The following DYNC1I1 variants were observed in gnomAD, a reference collection of about 807,000 sequenced individuals.
DYNC1I1 encodes the protein cytoplasmic dynein 1 intermediate chain 1.
In DYNC1I1, 43 loss-of-function variants were observed where a neutral mutation model predicts 86.6. The observed-to-expected ratio is 0.50, with a 90% CI of 0.39 to 0.64. DYNC1I1 has a LOEUF of 0.64. Among genes scored for constraint, DYNC1I1 ranks in the 30% least tolerant of loss-of-function variants. The pLI is 0.00. For synonymous variants in DYNC1I1, 262 were observed against 283.7 expected, an observed-to-expected ratio of 0.92 and a Z score of 0.77; for missense variants, 604 against 788.8, an observed-to-expected ratio of 0.77 and a Z score of 2.81.
At chr7:95,844,938 T>C (rs1789387039) in intron 5 of DYNC1I1, among the ~76,000 whole-genome samples, 1 of 152,214 alleles carries the variant, frequency 6.6e-6, no homozygotes, top group Non-Finnish European at 1.5e-5. Context: ...TTCATTAGTT[T>C]ATAACAGTAG....
intron 16 of DYNC1I1, among the ~76,000 whole-genome samples, chr7:96,085,490 A>G (rs1355298613): frequency 2.0e-5 from 3 of 152,176 alleles, no homozygotes; most frequent in Non-Finnish European, 4.4e-5. Context: ...CTGTGTTTAT[A>G]TAGCACACAT....
rs557193632 is a variant in DYNC1I1 at position 95,897,075 on chromosome 7, G to T, written c.490+27077G>T. Among the ~76,000 whole-genome samples the T allele has an allele frequency of 8.5e-5, 13 of 152,296 alleles. No homozygotes were observed. The East Asian group carries it at 2.5e-3, about 29-fold the overall frequency. ...TTATCAGCTAAGAAAGGAGGGATAT[G>T]CCAGGGCCTATGGAATTTTAGGAAA... On this transcript the variant is annotated intron_variant, in intron 6 of 16. Transcript: ENST00000447467.
intron 14 of DYNC1I1, among the ~76,000 whole-genome samples, chr7:96,054,030 T>C (rs1025582338): frequency 2.0e-5 from 3 of 152,228 alleles, no homozygotes; most frequent in African/African-American, 7.2e-5. Context: ...TGCAGGTTTG[T>C]TACATAGGTG....
intron 4 of DYNC1I1, among the ~76,000 whole-genome samples, chr7:95,827,672 T>TAGA (rs1230815536): frequency 6.6e-6 from 1 of 152,126 alleles, no homozygotes; most frequent in Non-Finnish European, 1.5e-5. Flanking sequence ...TTTCACCACA[T>TAGA]AGAAGATGCT....
intron 16 of DYNC1I1, among the ~76,000 whole-genome samples, chr7:96,081,816 T>A (rs2214162): frequency 0.41 from 61,814 of 152,016 alleles, 13,504 homozygotes; most frequent in African/African-American, 0.57. Flanking sequence ...TTGATTATGT[T>A]GGAACAAGCT....
rs1210130500 is a variant in DYNC1I1, at chr7:96,098,221, T to C, written c.*628T>C. 1 of 985,802 alleles carries C rather than the reference T, an allele frequency of 1.0e-6. No individual in the cohort carries two copies. Among genetic ancestry groups the C allele is most frequent in the Non-Finnish European group, 1.2e-6 (1 of 829,960 alleles). The allele number at this position is 985,802 out of a possible 1,614,324, so 61.1% of individuals were successfully genotyped here. A position where few individuals can be genotyped will look rare whatever the true frequency, so the allele number is the denominator to read the frequency against. On this transcript the variant is annotated 3_prime_UTR_variant, in exon 17 of 17. Coordinates refer to ENST00000447467, the MANE Select transcript of DYNC1I1 (RefSeq NM_001135556.2). ...TAAGTTCCACATAGCAATTACAGTATGCCAGTTCCACTGAAGACATGAAAT... is the reference window on the plus strand; with the variant it reads ...TAAGTTCCACATAGCAATTACAGTACGCCAGTTCCACTGAAGACATGAAAT...
chr7:95,922,216 T>C (rs1791628884), intron 6 of DYNC1I1, among the ~76,000 whole-genome samples: 1 of 152,028 alleles, frequency 6.6e-6, no homozygotes, highest in Admixed American at 6.6e-5. Flanking sequence ...TTAATATTAG[T>C]GTGTGTAAAG....
At chr7:96,086,757 T>G (rs771363779) in intron 16 of DYNC1I1, among the ~76,000 whole-genome samples, 46 of 152,182 alleles carry the variant, frequency 3.0e-4, no homozygotes, top group Non-Finnish European at 5.9e-4. Context: ...GCCAAAAAAG[T>G]AAAACATGAT....
chr7:96,010,744 A>G (rs1157461541), intron 10 of DYNC1I1, among the ~76,000 whole-genome samples: 1 of 152,200 alleles, frequency 6.6e-6, no homozygotes, highest in Non-Finnish European at 1.5e-5. Context: ...CTTTGCATAC[A>G]TATTTTTGTT....
At chr7:95,912,675 C>T (rs1791368743) in intron 6 of DYNC1I1, among the ~76,000 whole-genome samples, 2 of 152,220 alleles carry the variant, frequency 1.3e-5, no homozygotes, top group African/African-American at 4.8e-5. Context: ...CTTTGACCAA[C>T]ATGCCAGGCA....
In DYNC1I1 at chr7:95,848,219, T is replaced by G. The variant is rs913850451; in HGVS notation, c.374+20103T>G. Among the ~76,000 whole-genome samples the G allele has an allele frequency of 5.8e-3, 886 of 151,988 alleles. 5 individuals are homozygous for G. Among genetic ancestry groups the G allele is most frequent in the African/African-American group, 0.02 (824 of 41,490 alleles). On this transcript the variant is annotated intron_variant, in intron 5 of 16. Transcript: ENST00000447467. Reference sequence around the variant, plus strand: ...TTTGACTTACAGTTGTTTTTTTTTTTTTTTTTAACTTTACAATGGGTTTAT... The same window carrying G: ...TTTGACTTACAGTTGTTTTTTTTTTGTTTTTTAACTTTACAATGGGTTTAT...
At chr7:95,852,830 T>C in intron 5 of DYNC1I1, among the ~76,000 whole-genome samples, 1 of 152,286 alleles carries the variant, frequency 6.6e-6, no homozygotes, top group East Asian at 1.9e-4. Flanking sequence ...TATTTCCTTC[T>C]ATTAACTTTG....
intron 6 of DYNC1I1, among the ~76,000 whole-genome samples, chr7:95,922,865 T>A (rs10254625): frequency 0.038 from 5,839 of 152,128 alleles, 136 homozygotes; most frequent in South Asian, 0.13. Context: ...TTTCTAAAAA[T>A]GGAAATTGAG....
intron 10 of DYNC1I1, among the ~76,000 whole-genome samples, chr7:96,014,138 A>G (rs1180224939): frequency 6.6e-6 from 1 of 152,196 alleles, no homozygotes; most frequent in African/African-American, 2.4e-5. Context: ...CATCTATAGA[A>G]CAGAGTCATG....
At chr7:95,785,729 G>A (rs1180391824) in intron 1 of DYNC1I1, among the ~76,000 whole-genome samples, 1 of 145,190 alleles carries the variant, frequency 6.9e-6, no homozygotes, top group Admixed American at 6.9e-5. Context: ...ATATATGTGT[G>A]TGTATGTATA....
intron 6 of DYNC1I1, among the ~76,000 whole-genome samples, chr7:95,917,146 G>A (rs1032250473): frequency 6.6e-6 from 1 of 152,086 alleles, no homozygotes; most frequent in African/African-American, 2.4e-5. Context: ...TTTCCAACCG[G>A]CCTTGCCAGT....
chr7:95,826,988 C>T (rs1211796314), intron 4 of DYNC1I1, among the ~76,000 whole-genome samples: 1 of 152,092 alleles, frequency 6.6e-6, no homozygotes, highest in Non-Finnish European at 1.5e-5. Flanking sequence ...TAAGGGTGCC[C>T]ATGGATCACC....
chr7:96,039,421 G>A lies in DYNC1I1; in HGVS notation c.1509G>A (p.Lys503=), dbSNP rs1363762279. The A allele has an allele frequency of 1.9e-6, 3 of 1,613,832 alleles. No homozygotes were observed. Residue 503 remains lysine (K), a splice_region_variant and synonymous_variant, in exon 14 of 17, where the codon AAG becomes AAA. Transcript: ENST00000447467. Reference sequence around the variant, plus strand: ...GGACTGTCAAACTGTGGACCACCAAGGTAAGAATATCTTGACTGAAATTCT... The same window carrying A: ...GGACTGTCAAACTGTGGACCACCAAAGTAAGAATATCTTGACTGAAATTCT... The part of the protein sequence containing the change: ...FDWTVKLWTT[K]HNKPLYSFED...
chr7:95,819,433 C>A (rs1003881605), intron 4 of DYNC1I1, among the ~76,000 whole-genome samples: 5 of 151,996 alleles, frequency 3.3e-5, no homozygotes, highest in African/African-American at 1.2e-4. Context: ...ATCCTTAGGA[C>A]CTTCACCTTT....
Sources: gnomAD v4.1 joint callset for allele counts (sites outside exome capture counted in the v4.1 genomes callset) on GRCh38, gnomAD v4.1.1 for gene constraint, MANE v1.5 for transcripts, NCBI Gene and HGNC (gene_info 2026-07-23, HGNC 2026-07-21) for gene names.